EPC2: variants seen among roughly 807,000 people sequenced by gnomAD.
The protein encoded by EPC2 is enhancer of polycomb 2, also known as enhancer of polycomb homolog 2.
In EPC2, 14 loss-of-function variants were observed where a neutral mutation model predicts 92.1. The ratio of observed to expected loss-of-function variants is 0.15; its 90% CI spans 0.10 to 0.24. The LOEUF is 0.24. Among genes scored for constraint, EPC2 ranks in the 10% least tolerant of loss-of-function variants. The pLI, the probability that EPC2 is intolerant of heterozygous loss-of-function variation, is 1.00. For synonymous variants in EPC2, 340 were observed against 334.7 expected (o/e 1.02, Z -0.17); for missense variants, 755 against 971.5 (o/e 0.78, Z 2.96).
chr2:148,745,756 A>T (rs1239524488), intron 3 of EPC2, among the ~76,000 whole-genome samples: 2 of 152,088 alleles, frequency 1.3e-5, no homozygotes, highest in Non-Finnish European at 2.9e-5. Context: ...GGATCTCTTT[A>T]CTTTTCCTTT....
intron 1 of EPC2, among the ~76,000 whole-genome samples, chr2:148,671,190 G>C (rs1450495850): frequency 1.3e-5 from 2 of 151,610 alleles, no homozygotes; most frequent in African/African-American, 4.9e-5. Context: ...TTATTTATTG[G>C]TACTTGCATA....
In EPC2 at chr2:148,727,034, A is replaced by G. The variant is rs567945279; in HGVS notation, c.314-16588A>G. On this transcript the variant is annotated intron_variant, in intron 2 of 13. Coordinates refer to ENST00000258484, the MANE Select transcript of EPC2 (RefSeq NM_015630.4). ...AATGTCATGAAGTCTTTCTTCCTGT[A>G]TTTTCTTCTAGGAGTTTTATAATTT... Among the ~76,000 whole-genome samples the G allele has an allele frequency of 4.0e-5, 6 of 151,562 alleles. No homozygotes were observed. In the East Asian group the frequency reaches 5.8e-4, roughly 15 times the overall value.
chr2:148,654,659 GTC>G (rs1680753976), intron 1 of EPC2, among the ~76,000 whole-genome samples: 1 of 152,128 alleles, frequency 6.6e-6, no homozygotes, highest in Non-Finnish European at 1.5e-5. Flanking sequence ...CTGAGGCCCT[GTC>G]TCTTAGAAAC....
intron 3 of EPC2, among the ~76,000 whole-genome samples, chr2:148,746,182 G>A (rs1682981005): frequency 6.6e-6 from 1 of 151,900 alleles, no homozygotes; most frequent in Admixed American, 6.6e-5. Context: ...AGCTCAGTGA[G>A]TATTTTTATA....
intron 8 of EPC2, 72 bp from the exon 9 acceptor site, chr2:148,770,720 C>T (rs1558835712): frequency 6.9e-7 from 1 of 1,447,954 alleles, no homozygotes; most frequent in Admixed American, 2.9e-5. Context: ...TCATGTTTAT[C>T]ATGATCTAAC....
chr2:148,650,216 A>G (rs1316926087), intron 1 of EPC2, among the ~76,000 whole-genome samples: 1 of 152,106 alleles, frequency 6.6e-6, no homozygotes, highest in Admixed American at 6.5e-5. Flanking sequence ...TGAGTGTTGA[A>G]TGGGCTTCTA....
At chr2:148,695,058 G>A (rs1218146520) in intron 2 of EPC2, among the ~76,000 whole-genome samples, 3 of 152,230 alleles carry the variant, frequency 2.0e-5, no homozygotes, top group African/African-American at 4.8e-5. Flanking sequence ...GATTACAGGC[G>A]TGAGCCATCG....
intron 1 of EPC2, among the ~76,000 whole-genome samples, chr2:148,667,260 A>C (rs1681073959): frequency 6.6e-6 from 1 of 152,236 alleles, no homozygotes; most frequent in African/African-American, 2.4e-5. Flanking sequence ...CCTCAGGGTC[A>C]CATAGCAACT....
intron 6 of EPC2, among the ~76,000 whole-genome samples, chr2:148,763,166 T>C (rs1325487395): frequency 6.6e-6 from 1 of 152,164 alleles, no homozygotes; most frequent in Admixed American, 6.5e-5. Flanking sequence ...AACCTTGCAT[T>C]GTAATGGAAG....
At chr2:148,719,309 G>C (rs1371094700) in intron 2 of EPC2, among the ~76,000 whole-genome samples, 1 of 152,090 alleles carries the variant, frequency 6.6e-6, no homozygotes, top group East Asian at 1.9e-4. Context: ...TCATTTGGAG[G>C]AAAAGGACAC....
chr2:148,672,622 A>G (rs1681177563), intron 1 of EPC2, among the ~76,000 whole-genome samples: 1 of 152,200 alleles, frequency 6.6e-6, no homozygotes. Context: ...ACCACCGCTT[A>G]ATATTATAGT....
At chr2:148,680,542 G>T (rs1468721920) in intron 1 of EPC2, among the ~76,000 whole-genome samples, 1 of 152,252 alleles carries the variant, frequency 6.6e-6, no homozygotes, top group Admixed American at 6.5e-5. Context: ...TATTTATTTC[G>T]TTTGGAGGTT....
At chr2:148,739,346 A>C (rs543059848) in intron 2 of EPC2, among the ~76,000 whole-genome samples, 1 of 152,266 alleles carries the variant, frequency 6.6e-6, no homozygotes, top group East Asian at 1.9e-4. Flanking sequence ...ATGCTTGGTA[A>C]GCCCCCTTTA....
intron 2 of EPC2, among the ~76,000 whole-genome samples, chr2:148,723,465 T>A (rs1017412427): frequency 6.6e-6 from 1 of 152,112 alleles, no homozygotes; most frequent in African/African-American, 2.4e-5. Flanking sequence ...CTCTCCCCCA[T>A]TGGTTTTCAG....
intron 1 of EPC2, among the ~76,000 whole-genome samples, 169 bp from the exon 2 acceptor site, chr2:148,690,045 G>A (rs765753704): frequency 6.6e-6 from 1 of 152,148 alleles, no homozygotes; most frequent in South Asian, 2.1e-4. Context: ...TGAGCCACGA[G>A]TATTAAGAGA....
chr2:148,673,964 T>C (rs564085151), intron 1 of EPC2, among the ~76,000 whole-genome samples: 6 of 152,366 alleles, frequency 3.9e-5, no homozygotes, highest in African/African-American at 1.4e-4. Context: ...TTGAATTTTT[T>C]ATTAGATAAT....
chr2:148,774,492 T>A (rs1326670844), intron 10 of EPC2, among the ~76,000 whole-genome samples: 2 of 151,796 alleles, frequency 1.3e-5, no homozygotes, highest in Admixed American at 1.3e-4. Context: ...CCGGGTGTGG[T>A]GGCACGTGCC....
intron 2 of EPC2, among the ~76,000 whole-genome samples, chr2:148,693,279 A>G (rs1358773923): frequency 6.6e-6 from 1 of 152,210 alleles, no homozygotes; most frequent in East Asian, 1.9e-4. Context: ...AAAACATTGT[A>G]AAGTTGCCAC....
At chr2:148,645,775 C>A (rs1220173111) in intron 1 of EPC2, among the ~76,000 whole-genome samples, 1 of 151,972 alleles carries the variant, frequency 6.6e-6, no homozygotes, top group Non-Finnish European at 1.5e-5. Flanking sequence ...GGGCCGCCCG[C>A]CGGCCAGTTC....
Sources: gnomAD v4.1 joint callset for allele counts (sites outside exome capture counted in the v4.1 genomes callset) on GRCh38, gnomAD v4.1.1 for gene constraint, MANE v1.5 for transcripts, NCBI Gene and HGNC (gene_info 2026-07-23, HGNC 2026-07-21) for gene names.